Variants in DOK5 observed in about 807,000 individuals in gnomAD.
DOK5 encodes downstream of tyrosine kinase 5.
In DOK5, 27 loss-of-function variants were observed where a neutral mutation model predicts 43.3. The observed-to-expected ratio is 0.62, with a 90% CI of 0.46 to 0.86. The LOEUF (loss-of-function observed/expected upper bound fraction) is 0.86, where lower values mean the gene tolerates loss of function less well. Ranked by LOEUF, DOK5 falls within the 40% of genes least tolerant of loss-of-function variation. The probability of loss-of-function intolerance (pLI) is 0.00; values close to 1 mark genes in which losing one functional copy is unlikely to be tolerated. For synonymous variants in DOK5, 146 were observed against 140.1 expected, an observed-to-expected ratio of 1.04 and a Z score of -0.30; for missense variants, 373 against 392.9, an observed-to-expected ratio of 0.95 and a Z score of 0.43.
chr20:54,481,081 A>G (rs1034044629), intron 1 of DOK5, among the ~76,000 whole-genome samples: 1 of 120,418 alleles, frequency 8.3e-6, no homozygotes, highest in African/African-American at 4.4e-5. Context: ...CTATCTATCT[A>G]TCATCTACCA....
intron 1 of DOK5, among the ~76,000 whole-genome samples, chr20:54,542,982 T>C (rs1984215844): frequency 6.6e-6 from 1 of 152,156 alleles, no homozygotes; most frequent in Middle Eastern, 3.2e-3. Context: ...ATAGAGTTGG[T>C]AGCTTAGAGT....
chr20:54,486,929 C>G (rs537981661), intron 1 of DOK5, among the ~76,000 whole-genome samples: 5 of 152,064 alleles, frequency 3.3e-5, no homozygotes, highest in South Asian at 2.1e-4. Flanking sequence ...CATATTCCAG[C>G]GGAAGAGTCA....
chr20:54,588,948 C>T lies in DOK5; in HGVS notation c.409+142C>T, dbSNP rs1016184703. On this transcript the variant is annotated intron_variant, in intron 4 of 7. Transcript: ENST00000262593. ...AAGTAATCTTTTATCTAATCCACAA[C>T]CTGTGTTAACATTTCAGTGTATTTT... 3.4e-5 allele frequency: 29 copies of T among 841,768 alleles called. 1 individual carries two copies. Among genetic ancestry groups the T allele is most frequent in the East Asian group, 1.6e-4 (6 of 36,898 alleles). The allele number at this position is 841,768 out of a possible 1,614,324, so 52.1% of individuals were successfully genotyped here. A position where few individuals can be genotyped will look rare whatever the true frequency, so the allele number is the denominator to read the frequency against.
chr20:54,520,543 T>C (rs1029198173), intron 1 of DOK5, among the ~76,000 whole-genome samples: 13 of 151,930 alleles, frequency 8.6e-5, no homozygotes, highest in African/African-American at 3.1e-4. Flanking sequence ...CTTTGGGAGG[T>C]GAAGGCAGGA....
chr20:54,584,397 A>T (rs1247080014), intron 2 of DOK5, among the ~76,000 whole-genome samples: 1 of 151,480 alleles, frequency 6.6e-6, no homozygotes, highest in African/African-American at 2.4e-5. Flanking sequence ...AGTTATGATC[A>T]TCTATTTTAA....
rs576292001 is a variant in DOK5, at chr20:54,553,352, T to C, written c.67-1581T>C. On this transcript the variant is annotated intron_variant, in intron 1 of 7. Transcript: ENST00000262593. ...CTGGGACGGCAGGTGCCCGCCACCA[T>C]GCCCGGCTAACTTTTTGTATGTTTA... 1.4e-4 allele frequency among the ~76,000 whole-genome samples: 21 copies of C among 152,124 alleles called. No homozygotes were observed. The East Asian group carries it at 2.4e-3, about 17-fold the overall frequency.
chr20:54,581,249 C>T (rs368899451), intron 2 of DOK5, among the ~76,000 whole-genome samples: 23 of 151,998 alleles, frequency 1.5e-4, no homozygotes, highest in African/African-American at 5.5e-4. Flanking sequence ...TGCCTATGTG[C>T]CAGTACCATA....
At position 54,585,843 on chromosome 20, in the gene DOK5, C is replaced by T. The variant is rs564053419; in HGVS notation, c.175-2640C>T. The stretch of plus-strand genomic sequence containing the variant: ...AGATAGTCTCTATAAAAATGCTGGC[C>T]GGGTGCAGTGGCTCACGCCTATAAT... On this transcript the variant is annotated intron_variant, in intron 2 of 7. Transcript: ENST00000262593. Among the ~76,000 whole-genome samples, 140 of 152,232 alleles carry T rather than the reference C, an allele frequency of 9.2e-4. 2 individuals are homozygous for T. The highest frequency in any genetic ancestry group is 2.1e-3 in the Admixed American group (32 of 15,280).
rs368369765 is a variant in DOK5, at chr20:54,610,418, C to T, written c.630C>T (p.Ile210=). ...RMCETGEGLF[I]FQTRDGEAIY... ...GTGAGACTGGTGAAGGGCTGTTTAT[C>T]TTTCAGACCCGAGACGGGGAGGCCA... The change falls in exon 6 of 8, where the codon ATC becomes ATT. Residue 210 remains isoleucine (I), a synonymous_variant. Transcript: ENST00000262593. The T allele has an allele frequency of 4.0e-5, 64 of 1,590,746 alleles. No individual in the cohort carries two copies. Among genetic ancestry groups the T allele is most frequent in the Non-Finnish European group, 5.3e-5 (62 of 1,170,064 alleles).
chr20:54,496,494 A>G (rs1982397145), intron 1 of DOK5, among the ~76,000 whole-genome samples: 1 of 152,180 alleles, frequency 6.6e-6, no homozygotes, highest in Non-Finnish European at 1.5e-5. Flanking sequence ...AGAGCTGAGC[A>G]CGGTGGCTCA....
In DOK5 at chr20:54,610,470, T is replaced by C; in HGVS notation, c.682T>C (p.Leu228=). 1 of 1,587,260 alleles carries C rather than the reference T, an allele frequency of 6.3e-7. No individual in the cohort carries two copies. Among genetic ancestry groups the C allele is most frequent in the Non-Finnish European group, 8.6e-7 (1 of 1,167,400 alleles). Residue 228 remains leucine (L), a synonymous_variant, in exon 6 of 8, where the codon TTG becomes CTG. Transcript: ENST00000262593. ...CTATCAGAAAGTCCACTCTGCTGCC[T>C]TGGCCATAGCCGAGCAGCACGAGCG... The part of the protein sequence containing the change: ...AIYQKVHSAA[L]AIAEQHERLL...
intron 2 of DOK5, among the ~76,000 whole-genome samples, chr20:54,580,534 G>A (rs1297578505): frequency 6.6e-6 from 1 of 151,850 alleles, no homozygotes; most frequent in Non-Finnish European, 1.5e-5. Context: ...CTGTGGGGTT[G>A]TTTTTTTCTG....
chr20:54,479,388 G>T (rs1430497792), intron 1 of DOK5, among the ~76,000 whole-genome samples: 1 of 152,108 alleles, frequency 6.6e-6, no homozygotes. Flanking sequence ...GGGGCTGGGG[G>T]AAGGAGGGGA....
intron 1 of DOK5, among the ~76,000 whole-genome samples, chr20:54,513,219 C>T (rs1983070061): frequency 6.6e-6 from 1 of 152,028 alleles, no homozygotes; most frequent in African/African-American, 2.4e-5. Context: ...GCTAATAAGA[C>T]ATAGTAATTA....
At chr20:54,542,111 C>CACACACACACACACACAT (rs1568774877) in intron 1 of DOK5, among the ~76,000 whole-genome samples, 71 of 151,504 alleles carry the variant, frequency 4.7e-4, no homozygotes, top group African/African-American at 1.5e-3. Context: ...CACACACACA[C>CACACACACACACACACAT]ACACACACAC....
At chr20:54,571,287 T>C (rs1985273719) in intron 2 of DOK5, among the ~76,000 whole-genome samples, 1 of 152,228 alleles carries the variant, frequency 6.6e-6, no homozygotes, top group Non-Finnish European at 1.5e-5. Flanking sequence ...TGCCTCGCTC[T>C]CAGGACCTCC....
At chr20:54,501,541 A>G (rs1982609967) in intron 1 of DOK5, among the ~76,000 whole-genome samples, 1 of 151,512 alleles carries the variant, frequency 6.6e-6, no homozygotes, top group Admixed American at 6.6e-5. Context: ...CCACAGAGGT[A>G]GCTGATGTTC....
intron 6 of DOK5, among the ~76,000 whole-genome samples, chr20:54,634,347 A>G (rs1207024022): frequency 2.6e-5 from 4 of 151,338 alleles, no homozygotes; most frequent in African/African-American, 4.9e-5. Flanking sequence ...ACCATGCTTC[A>G]GCCAGTTGTC....
chr20:54,571,479 C>A (rs1036972666), intron 2 of DOK5, among the ~76,000 whole-genome samples: 2 of 152,204 alleles, frequency 1.3e-5, no homozygotes, highest in Non-Finnish European at 2.9e-5. Context: ...CTATATATAA[C>A]ATCAGCACTG....
Sources: gnomAD v4.1 joint callset for allele counts (sites outside exome capture counted in the v4.1 genomes callset) on GRCh38, gnomAD v4.1.1 for gene constraint, MANE v1.5 for transcripts, NCBI Gene and HGNC (gene_info 2026-07-23, HGNC 2026-07-21) for gene names.